RBFOX1: variants seen among roughly 807,000 people sequenced by gnomAD.
The protein encoded by RBFOX1 is RNA binding protein fox-1 homolog 1.
In RBFOX1, 8 loss-of-function variants were observed where a neutral mutation model predicts 57.7. The observed-to-expected ratio is 0.14, with a 90% CI of 0.08 to 0.25. The LOEUF (loss-of-function observed/expected upper bound fraction) is 0.25, where lower values mean the gene tolerates loss of function less well. Ranked by LOEUF, RBFOX1 falls within the 10% of genes least tolerant of loss-of-function variation. The pLI is 1.00. For missense variants in RBFOX1, 611 were observed against 548.5 expected (o/e 1.11, Z -1.14); for synonymous variants, 326 against 222.4 (o/e 1.47, Z -4.15).
At chr16:6,399,295 G>A (rs1323359537) in intron 2 of RBFOX1, among the ~76,000 whole-genome samples, 1 of 152,216 alleles carries the variant, frequency 6.6e-6, no homozygotes, top group Admixed American at 6.5e-5. Flanking sequence ...TGTCTAACAT[G>A]CCCTGGAAAC....
chr16:6,339,161 G>C (rs1304090587), intron 2 of RBFOX1, among the ~76,000 whole-genome samples: 3 of 152,220 alleles, frequency 2.0e-5, no homozygotes, highest in African/African-American at 7.2e-5. Context: ...GCCAGGCACT[G>C]TGCTGCTGAG....
intron 3 of RBFOX1, among the ~76,000 whole-genome samples, chr16:5,700,123 T>TGC (rs2050992269): frequency 6.6e-6 from 1 of 152,186 alleles, no homozygotes; most frequent in South Asian, 2.1e-4. Context: ...TGAGCCACCA[T>TGC]GCCTGGCCAG....
chr16:6,968,206 G>C (rs1360963232), intron 3 of RBFOX1, among the ~76,000 whole-genome samples: 1 of 152,200 alleles, frequency 6.6e-6, no homozygotes, highest in African/African-American at 2.4e-5. Flanking sequence ...TCAGTTCAGA[G>C]TGACTGACAG....
At chr16:7,139,045 C>T (rs2072854025) in intron 4 of RBFOX1, among the ~76,000 whole-genome samples, 1 of 152,138 alleles carries the variant, frequency 6.6e-6, no homozygotes, top group Non-Finnish European at 1.5e-5. Flanking sequence ...CCCAAGTGAT[C>T]TGCCTTCCTT....
At chr16:5,604,794 C>G (rs1001292136), downstream of RBFOX1, among the ~76,000 whole-genome samples, 1 of 152,060 alleles carries the variant, frequency 6.6e-6, no homozygotes, top group African/African-American at 2.4e-5. Context: ...GCTCATGGGC[C>G]CCCCGGGAAC....
intron 3 of RBFOX1, among the ~76,000 whole-genome samples, chr16:6,850,072 CCGAGTCGATTGACA>C (rs2093983870): frequency 1.3e-5 from 2 of 152,150 alleles, no homozygotes; most frequent in Admixed American, 1.3e-4. Flanking sequence ...ACCTTCTTAA[CCGAGTCGATTGACA>C]TGGACTCTTA....
intron 4 of RBFOX1, among the ~76,000 whole-genome samples, chr16:7,298,276 T>A (rs1025548723): frequency 7.3e-6 from 1 of 136,216 alleles, no homozygotes; most frequent in Non-Finnish European, 1.6e-5. Flanking sequence ...TGTGTATAGG[T>A]TTTTTTTTGT....
chr16:6,427,463 G>A (rs1157537141), intron 2 of RBFOX1, among the ~76,000 whole-genome samples: 1 of 152,130 alleles, frequency 6.6e-6, no homozygotes, highest in Non-Finnish European at 1.5e-5. Context: ...TGAAAGTGCC[G>A]GTGAGAATTT....
intron 1 of RBFOX1, among the ~76,000 whole-genome samples, chr16:5,382,203 A>G (rs1381949746): frequency 6.6e-6 from 1 of 152,254 alleles, no homozygotes; most frequent in Non-Finnish European, 1.5e-5. Context: ...AGGCTTCATC[A>G]GTAATTGACA....
At chr16:5,304,870 A>T (rs1215251617) in intron 1 of RBFOX1, among the ~76,000 whole-genome samples, 1 of 152,136 alleles carries the variant, frequency 6.6e-6, no homozygotes, top group African/African-American at 2.4e-5. Flanking sequence ...AAATGTTTTC[A>T]TTTGCATTTC....
At chr16:7,219,680 G>T (rs2092570652) in intron 4 of RBFOX1, among the ~76,000 whole-genome samples, 1 of 152,180 alleles carries the variant, frequency 6.6e-6, no homozygotes, top group Non-Finnish European at 1.5e-5. Context: ...CTGCCGTATA[G>T]ATCCCTGCTC....
chr16:5,490,510 C>T (rs940019652), intron 2 of RBFOX1, among the ~76,000 whole-genome samples: 2 of 152,200 alleles, frequency 1.3e-5, no homozygotes, highest in African/African-American at 2.4e-5. Flanking sequence ...GGAGCCCTTT[C>T]AGGGAGAATT....
At chr16:6,870,192 A>G (rs1033122582) in intron 3 of RBFOX1, among the ~76,000 whole-genome samples, 1 of 152,138 alleles carries the variant, frequency 6.6e-6, no homozygotes, top group Non-Finnish European at 1.5e-5. Flanking sequence ...CGAAAACCTT[A>G]TTTCATCTAG....
chr16:6,661,027 T>C (rs967320141), intron 3 of RBFOX1, among the ~76,000 whole-genome samples: 5 of 152,132 alleles, frequency 3.3e-5, no homozygotes, highest in African/African-American at 1.2e-4. Flanking sequence ...TAACGTGAAG[T>C]CCTATGTACT....
intron 4 of RBFOX1, among the ~76,000 whole-genome samples, chr16:7,109,725 G>T (rs2064297103): frequency 6.6e-6 from 1 of 152,126 alleles, no homozygotes; most frequent in Non-Finnish European, 1.5e-5. Flanking sequence ...TGGAAAAGAA[G>T]AGGGGTCATT....
At chr16:7,297,273 G>C (rs2095914684) in intron 4 of RBFOX1, among the ~76,000 whole-genome samples, 1 of 152,190 alleles carries the variant, frequency 6.6e-6, no homozygotes, top group African/African-American at 2.4e-5. Context: ...ACCCCACCCT[G>C]TGAGATGGGT....
intron 3 of RBFOX1, among the ~76,000 whole-genome samples, chr16:6,796,634 CTT>C (rs2084122491): frequency 6.6e-6 from 1 of 152,104 alleles, no homozygotes; most frequent in Non-Finnish European, 1.5e-5. Flanking sequence ...CTCTCTGTCT[CTT>C]GTTAAAAATT....
chr16:6,697,443 C>A (rs185837934), intron 3 of RBFOX1, among the ~76,000 whole-genome samples: 63 of 152,254 alleles, frequency 4.1e-4, no homozygotes, highest in African/African-American at 1.5e-3. Flanking sequence ...AGGAAACAGC[C>A]CACGGTGAGA....
chr16:7,207,053 GA>G (rs2090137415), intron 4 of RBFOX1, among the ~76,000 whole-genome samples: 1 of 152,126 alleles, frequency 6.6e-6, no homozygotes, highest in East Asian at 1.9e-4. Flanking sequence ...GGGCTTTATG[GA>G]AATACCCTAC....
Sources: allele counts gnomAD v4.1 joint callset (sites outside exome capture counted in the v4.1 genomes callset), GRCh38; gene constraint gnomAD v4.1.1; transcripts MANE v1.5; gene names NCBI Gene and HGNC (gene_info 2026-07-23, HGNC 2026-07-21).